The following PLCB1 variants were observed in gnomAD, a reference collection of about 807,000 sequenced individuals.
PLCB1 encodes the protein phospholipase C beta 1, also known as 1-phosphatidylinositol 4,5-bisphosphate phosphodiesterase beta-1.
In PLCB1, 46 loss-of-function variants were observed where a neutral mutation model predicts 161.8. The observed-to-expected ratio is 0.28, with a 90% CI of 0.22 to 0.36. PLCB1 has a LOEUF of 0.36. Among genes scored for constraint, PLCB1 ranks in the 10% least tolerant of loss-of-function variants. PLCB1 has a pLI of 1.00. For synonymous variants in PLCB1, 517 were observed against 503.7 expected, an observed-to-expected ratio of 1.03 and a Z score of -0.35; for missense variants, 1,016 against 1,472.5, an observed-to-expected ratio of 0.69 and a Z score of 5.07.
chr20:8,528,361 A>G (rs1224233367), intron 3 of PLCB1, among the ~76,000 whole-genome samples: 2 of 152,116 alleles, frequency 1.3e-5, no homozygotes, highest in African/African-American at 4.8e-5. Flanking sequence ...AGTAAAACTC[A>G]GGAATATAAT....
intron 3 of PLCB1, among the ~76,000 whole-genome samples, chr20:8,496,218 C>T (rs559037359): frequency 9.2e-5 from 14 of 151,390 alleles, no homozygotes; most frequent in African/African-American, 2.9e-4. Context: ...AGTAGCTGGA[C>T]GTGGTGGCTC....
intron 14 of PLCB1, among the ~76,000 whole-genome samples, chr20:8,720,271 G>A (rs1979553060): frequency 6.6e-6 from 1 of 152,146 alleles, no homozygotes; most frequent in South Asian, 2.1e-4. Flanking sequence ...CACAAATGAC[G>A]ATTTTTACAG....
chr20:8,286,574 C>T (rs1983133945), intron 2 of PLCB1, among the ~76,000 whole-genome samples: 1 of 152,190 alleles, frequency 6.6e-6, no homozygotes, highest in African/African-American at 2.4e-5. Context: ...ACGGGACCCA[C>T]AGCATCCAGT....
chr20:8,684,897 T>G (rs1990321719), intron 9 of PLCB1, 35 bp from the exon 10 acceptor site: 1 of 1,558,856 alleles, frequency 6.4e-7, no homozygotes, highest in Non-Finnish European at 8.8e-7. Context: ...CATAAAAGAA[T>G]GCATTCACAT....
intron 2 of PLCB1, among the ~76,000 whole-genome samples, chr20:8,231,876 T>C (rs1187512817): frequency 6.6e-6 from 1 of 152,168 alleles, no homozygotes; most frequent in Non-Finnish European, 1.5e-5. Context: ...AGCCTCCCTG[T>C]GATGCTCAGT....
At chr20:8,528,386 TAAAA>T (rs912800117) in intron 3 of PLCB1, among the ~76,000 whole-genome samples, 1 of 152,010 alleles carries the variant, frequency 6.6e-6, no homozygotes, top group South Asian at 2.1e-4. Flanking sequence ...TGAATAGATC[TAAAA>T]AAAGTTGAAT....
chr20:8,766,094 C>T (rs1432475401), intron 26 of PLCB1, among the ~76,000 whole-genome samples: 1 of 152,130 alleles, frequency 6.6e-6, no homozygotes, highest in African/African-American at 2.4e-5. Flanking sequence ...CCCCATATAC[C>T]CAAACCTTGA....
intron 3 of PLCB1, among the ~76,000 whole-genome samples, chr20:8,551,435 T>C (rs936151448): frequency 3.3e-5 from 5 of 152,368 alleles, no homozygotes; most frequent in Admixed American, 6.5e-5. Flanking sequence ...CTTTCCTTTT[T>C]CATGGCAATC....
intron 23 of PLCB1, among the ~76,000 whole-genome samples, chr20:8,755,594 AG>A (rs1356597635): frequency 1.3e-5 from 2 of 152,220 alleles, no homozygotes; most frequent in African/African-American, 4.8e-5. Flanking sequence ...ACTGTGTATA[AG>A]GTATGTGGAA....
intron 7 of PLCB1, among the ~76,000 whole-genome samples, chr20:8,654,668 G>T (rs1989404940): frequency 1.3e-5 from 2 of 152,072 alleles, no homozygotes; most frequent in African/African-American, 4.8e-5. Context: ...GTCAGGAAGG[G>T]TTCACGGAGG....
intron 2 of PLCB1, among the ~76,000 whole-genome samples, chr20:8,227,679 A>G (rs1466801327): frequency 3.3e-5 from 5 of 152,176 alleles, no homozygotes; most frequent in Non-Finnish European, 1.5e-5. Flanking sequence ...ATATCATTTC[A>G]TTATGTACAG....
At chr20:8,689,652 A>AAT (rs775368321) in intron 10 of PLCB1, among the ~76,000 whole-genome samples, 1 of 152,200 alleles carries the variant, frequency 6.6e-6, no homozygotes, top group Non-Finnish European at 1.5e-5. Context: ...TACAAATAAT[A>AAT]AAACTACAAA....
intron 2 of PLCB1, among the ~76,000 whole-genome samples, chr20:8,268,121 C>G (rs532054743): frequency 1.6e-3 from 249 of 152,172 alleles, no homozygotes; most frequent in Admixed American, 3.7e-3. Flanking sequence ...CCCCTCTCCC[C>G]CCACCTCATG....
In PLCB1 at chr20:8,317,569, G is replaced by A. The variant is rs545534579; in HGVS notation, c.178-53813G>A. On this transcript the variant is annotated intron_variant, in intron 2 of 31. Transcript: ENST00000338037. Reference sequence around the variant, plus strand: ...ACACCATGCAAATCTATGCAATCAGGGCACTTGCAAATCCTTAGTATTATC... The same window carrying A: ...ACACCATGCAAATCTATGCAATCAGAGCACTTGCAAATCCTTAGTATTATC... 8.6e-5 allele frequency among the ~76,000 whole-genome samples: 13 copies of A among 151,544 alleles called. No homozygotes were observed. In the South Asian group the frequency reaches 2.5e-3, roughly 29 times the overall value.
chr20:8,357,839 G>A (rs79090610), intron 2 of PLCB1, among the ~76,000 whole-genome samples: 1,540 of 152,232 alleles, frequency 0.01, 14 homozygotes, highest in Non-Finnish European at 0.014. Flanking sequence ...AGTCATCCAA[G>A]GACTGTTTTC....
At chr20:8,658,179 A>C (rs893755554) in intron 8 of PLCB1, among the ~76,000 whole-genome samples, 7 of 152,172 alleles carry the variant, frequency 4.6e-5, no homozygotes, top group African/African-American at 1.7e-4. Context: ...TTACAGATAT[A>C]TGGAGTTGGA....
chr20:8,535,309 AT>A (rs1263850008), intron 3 of PLCB1, among the ~76,000 whole-genome samples: 15 of 151,414 alleles, frequency 9.9e-5, no homozygotes, highest in Non-Finnish European at 2.9e-5. Flanking sequence ...AGAATATGCA[AT>A]TATTATATAT....
At chr20:8,740,779 C>T (rs1980836378) in intron 22 of PLCB1, among the ~76,000 whole-genome samples, 1 of 152,152 alleles carries the variant, frequency 6.6e-6, no homozygotes, top group Non-Finnish European at 1.5e-5. Flanking sequence ...ATTTGTCTTC[C>T]ACCAATTTTA....
chr20:8,697,176 G>A (rs1990602262), intron 10 of PLCB1, among the ~76,000 whole-genome samples: 1 of 152,162 alleles, frequency 6.6e-6, no homozygotes, highest in Non-Finnish European at 1.5e-5. Context: ...TCAGGAGGCA[G>A]TCAGAATTAA....
Sources: gnomAD v4.1 joint callset for allele counts (sites outside exome capture counted in the v4.1 genomes callset) on GRCh38, gnomAD v4.1.1 for gene constraint, MANE v1.5 for transcripts, NCBI Gene and HGNC (gene_info 2026-07-23, HGNC 2026-07-21) for gene names.